Variants in TPMT observed in about 807,000 individuals in gnomAD.
The protein encoded by TPMT is thiopurine S-methyltransferase, also known as S-adenosyl-L-methionine:thiopurine S-methyltransferase.
A neutral mutation model predicts 34.2 loss-of-function variants in TPMT; 18 were observed. The observed-to-expected ratio is 0.53, with a 90% CI of 0.36 to 0.78. The LOEUF (loss-of-function observed/expected upper bound fraction) is 0.78. TPMT is among the 30% of genes least tolerant of loss of function. The pLI is 0.00. For synonymous variants in TPMT, 69 were observed against 92.4 expected (o/e 0.75, Z 1.45); for missense variants, 265 against 288.1 (o/e 0.92, Z 0.58).
chr6:18,133,998 G>A lies in TPMT; in HGVS notation c.495-109C>T, dbSNP rs1032574017. ...AAGTTACTTTCGCTGATACTACTGA[G>A]TTTAAATTCTCCTAATAATCACAAG... On this transcript the variant is annotated intron_variant, in intron 6 of 8. Coordinates refer to ENST00000309983, the MANE Select transcript of TPMT (RefSeq NM_000367.5). 1.2e-5 allele frequency: 10 copies of A among 809,138 alleles called. No individual in the cohort carries two copies. The East Asian group carries it at 2.6e-4, about 21-fold the overall frequency. 50.1% of individuals were successfully genotyped at this position (809,138 alleles called of 1,614,324 possible).
rs1784048152 is a variant in TPMT, at chr6:18,136,766, T to C, written c.494+2197A>G. ...CAGAGGTTGCGGTGAGCCGAGATAG[T>C]GCCATTGCACTCCAGCCTGGGCAAC... On this transcript the variant is annotated intron_variant, in intron 6 of 8. Coordinates refer to ENST00000309983, the MANE Select transcript of TPMT (RefSeq NM_000367.5). The surrounding 1 kb of genome is among the most constrained non-coding windows in gnomAD (Gnocchi z 4.7). Among the ~76,000 whole-genome samples the C allele has an allele frequency of 1.3e-5, 2 of 152,178 alleles. No individual in the cohort carries two copies. The highest frequency in any genetic ancestry group is 1.3e-4 in the Admixed American group (2 of 15,274).
rs529005852 is a variant in TPMT at position 18,144,567 on chromosome 6, C to G, written c.234-839G>C. Among the ~76,000 whole-genome samples, 423 of 151,634 alleles carry G rather than the reference C, an allele frequency of 2.8e-3. 4 individuals carry two copies. The highest frequency in any genetic ancestry group is 0.019 in the South Asian group (90 of 4,798). ...CTAATTTTTGTATTTTTAGTAGAGA[C>G]GGGGTTTCACCATGTTGGCCAGGCT... On this transcript the variant is annotated intron_variant, in intron 3 of 8. Coordinates refer to ENST00000309983, the MANE Select transcript of TPMT (RefSeq NM_000367.5).
At chr6:18,151,881 G>A (rs1398683797) in intron 1 of TPMT, among the ~76,000 whole-genome samples, 3 of 152,152 alleles carry the variant, frequency 2.0e-5, no homozygotes, top group Non-Finnish European at 2.9e-5. Flanking sequence ...AGAAGTGGGC[G>A]AGGGTCCCAG....
In TPMT at chr6:18,139,740, A is replaced by C. The variant is rs199716509; in HGVS notation, c.367-23T>G. ...ACTCTGTAATGAAATAATGAAAAAA[A>C]AATTTTTTTTTTTTACTTAGTAAGT... is the stretch of plus-strand genomic sequence containing the variant. On this transcript the variant is annotated intron_variant, in intron 4 of 8. Transcript: ENST00000309983. This position sits in a 1 kb window ranked among gnomAD's most constrained non-coding sequence, Gnocchi z 4.2. 5.1e-4 allele frequency: 810 copies of C among 1,598,082 alleles called. 1 individual carries two copies. In the African/African-American group the frequency reaches 9.9e-3, roughly 19 times the overall value.
rs1375726462 is a variant in TPMT, at chr6:18,132,526, G to A, written c.581-349C>T. On this transcript the variant is annotated intron_variant, in intron 7 of 8. Coordinates refer to ENST00000309983, the MANE Select transcript of TPMT (RefSeq NM_000367.5). This position sits in a 1 kb window ranked among gnomAD's most constrained non-coding sequence, Gnocchi z 4.8. ...CACCCACATTTTATACACCCCTCCC[G>A]CTCTGCTGCAGGATATAGAGTATAA... Among the ~76,000 whole-genome samples, 8 of 151,800 alleles carry A rather than the reference G, an allele frequency of 5.3e-5. No individual in the cohort carries two copies. The highest frequency in any genetic ancestry group is 3.9e-4 in the Admixed American group (6 of 15,228).
chr6:18,147,929 A>T lies in TPMT; in HGVS notation c.141-14T>A, dbSNP rs1784278376. 1 of 1,608,856 alleles carries T rather than the reference A, an allele frequency of 6.2e-7. No individual in the cohort carries two copies. Among genetic ancestry groups the T allele is most frequent in the Non-Finnish European group, 8.5e-7 (1 of 1,175,998 alleles). On this transcript the variant is annotated splice_polypyrimidine_tract_variant and intron_variant, in intron 2 of 8. Transcript: ENST00000309983. ...TTCTTTAATAGCCTGAAGAGGAAAA[A>T]AAAAAAGGTTTTAGGACAATTGTAT...
At position 18,147,909 on chromosome 6, in the gene TPMT, T is replaced by C; in HGVS notation, c.147A>G (p.Leu49=). The stretch of plus-strand genomic sequence containing the variant: ...TAAGGAAAGTATCTAAATGCTTCTT[T>C]AATAGCCTGAAGAGGAAAAAAAAAA... ...AFHQEQGHQL[L]KKHLDTFLKG... is the part of the protein sequence containing the mutation. The change falls in exon 3 of 9, where the codon TTA becomes TTG. Residue 49 remains leucine (L), a synonymous_variant. Transcript: ENST00000309983. The C allele has an allele frequency of 3.1e-6, 5 of 1,613,412 alleles. No homozygotes were observed. Among genetic ancestry groups the C allele is most frequent in the Non-Finnish European group, 4.2e-6 (5 of 1,179,544 alleles).
At chr6:18,147,582 C>G (rs1460705232) in intron 3 of TPMT, among the ~76,000 whole-genome samples, 1 of 152,150 alleles carries the variant, frequency 6.6e-6, no homozygotes, top group African/African-American at 2.4e-5. Context: ...TTTTCTCCCC[C>G]CATTGGCTCC....
rs1784117753 is a variant in TPMT at position 18,140,371 on chromosome 6, T to A, written c.367-654A>T. Among the ~76,000 whole-genome samples, 1 of 152,182 alleles carries A rather than the reference T, an allele frequency of 6.6e-6. No individual in the cohort carries two copies. Among genetic ancestry groups the A allele is most frequent in the South Asian group, 2.1e-4 (1 of 4,828 alleles). On this transcript the variant is annotated intron_variant, in intron 4 of 8. Transcript: ENST00000309983. The surrounding 1 kb of genome is among the most constrained non-coding windows in gnomAD (Gnocchi z 4.7). ...ACAGAAGGCAGAGCAGGGGCCTGCC[T>A]GGGAGCATCAGGGAGACTAAACAAA...
In TPMT at chr6:18,130,899, G is replaced by A; in HGVS notation, c.626-119C>T. On this transcript the variant is annotated intron_variant, in intron 8 of 8. Transcript: ENST00000309983. The surrounding 1 kb of genome is among the most constrained non-coding windows in gnomAD (Gnocchi z 4.2). ...CACACCTGTAATCCCAACACTTTGG[G>A]AGGCCGAGGCAGGTGGATCACTTGA... The A allele has an allele frequency of 1.4e-6, 1 of 739,150 alleles. No individual in the cohort carries two copies. The highest frequency in any genetic ancestry group is 2.4e-6 in the Non-Finnish European group (1 of 424,470). 45.8% of individuals were successfully genotyped at this position (739,150 alleles called of 1,614,324 possible).
At position 18,139,592 on chromosome 6, in the gene TPMT, C is replaced by A; in HGVS notation, c.419+73G>T. 8.3e-7 allele frequency: 1 copy of A among 1,209,012 alleles called. No homozygotes were observed. 74.9% of individuals were successfully genotyped at this position (1,209,012 alleles called of 1,614,324 possible). On this transcript the variant is annotated intron_variant, in intron 5 of 8. Coordinates refer to ENST00000309983, the MANE Select transcript of TPMT (RefSeq NM_000367.5). The surrounding 1 kb of genome is among the most constrained non-coding windows in gnomAD (Gnocchi z 4.2). ...CAGGAGGAAGAGAGTGAGGAAGACA[C>A]CTCCACTCCCATGCCTGCACTGCCT...
chr6:18,129,684 T>G lies in TPMT; in HGVS notation c.*984A>C, dbSNP rs1255002913. On this transcript the variant is annotated 3_prime_UTR_variant, in exon 9 of 9. Transcript: ENST00000309983. Reference sequence around the variant, plus strand: ...ACCTGATGATTTAAACAGATTAAATTATAAAAAACAACAATTGCCAAACTC... The same window carrying G: ...ACCTGATGATTTAAACAGATTAAATGATAAAAAACAACAATTGCCAAACTC... 1 of 152,220 alleles carries G rather than the reference T, an allele frequency of 6.6e-6. No individual in the cohort carries two copies. Among genetic ancestry groups the G allele is most frequent in the East Asian group, 1.9e-4 (1 of 5,202 alleles). The allele number at this position is 152,220 out of a possible 1,614,324, so 9.4% of individuals were successfully genotyped here.
At position 18,129,621 on chromosome 6, in the gene TPMT, G is replaced by A. The variant is rs1416190733; in HGVS notation, c.*1047C>T. ...GAAATCTAACCTTTCATAATAAACAGCCATGAATCCAGCTCTAAGTACATT... is the reference window on the plus strand; with the variant it reads ...GAAATCTAACCTTTCATAATAAACAACCATGAATCCAGCTCTAAGTACATT... On this transcript the variant is annotated 3_prime_UTR_variant, in exon 9 of 9. Transcript: ENST00000309983. 6.6e-6 allele frequency: 1 copy of A among 152,112 alleles called. No homozygotes were observed. The highest frequency in any genetic ancestry group is 1.5e-5 in the Non-Finnish European group (1 of 68,040). The allele number at this position is 152,112 out of a possible 1,614,324, so 9.4% of individuals were successfully genotyped here.
At chr6:18,151,204 T>TATCA (rs1455905359) in intron 1 of TPMT, among the ~76,000 whole-genome samples, 5 of 146,718 alleles carry the variant, frequency 3.4e-5, no homozygotes, top group African/African-American at 1.3e-4. Flanking sequence ...TTTTTTTTGC[T>TATCA]ATCAATCACC....
chr6:18,133,685 T>C, intron 7 of TPMT, 119 bp downstream of exon 7: 1 of 740,484 alleles, frequency 1.4e-6, no homozygotes. Context: ...TCCATGTATA[T>C]ATGCAGTATG....
chr6:18,150,858 C>T lies in TPMT; in HGVS notation c.-44-1687G>A, dbSNP rs551192109. Among the ~76,000 whole-genome samples the T allele has an allele frequency of 2.0e-5, 3 of 152,236 alleles. No individual in the cohort carries two copies. Among genetic ancestry groups the T allele is most frequent in the African/African-American group, 7.2e-5 (3 of 41,550 alleles). ...CCTCCTGAGTAGCTGGGATTACAGGCATGCACTACCAGGTCCAGCTAATTT... is the reference window on the plus strand; with the variant it reads ...CCTCCTGAGTAGCTGGGATTACAGGTATGCACTACCAGGTCCAGCTAATTT... On this transcript the variant is annotated intron_variant, in intron 1 of 8. Coordinates refer to ENST00000309983, the MANE Select transcript of TPMT (RefSeq NM_000367.5). This position sits in a 1 kb window ranked among gnomAD's most constrained non-coding sequence, Gnocchi z 5.3.
rs1784081411 is a variant in TPMT at position 18,138,272 on chromosome 6, T to G, written c.494+691A>C. On this transcript the variant is annotated intron_variant, in intron 6 of 8. Transcript: ENST00000309983. This position sits in a 1 kb window ranked among gnomAD's most constrained non-coding sequence, Gnocchi z 4.1. ...AATATTTTGATTTTTTTGTTTTTTT[T>G]TTTTTTTAAATATTTTACAGACAAG... Among the ~76,000 whole-genome samples the G allele has an allele frequency of 6.6e-6, 1 of 151,226 alleles. No individual in the cohort carries two copies. Among genetic ancestry groups the G allele is most frequent in the African/African-American group, 2.4e-5 (1 of 41,048 alleles).
rs1217372716 is a variant in TPMT at position 18,145,549 on chromosome 6, T to C, written c.234-1821A>G. Among the ~76,000 whole-genome samples, 2 of 152,234 alleles carry C rather than the reference T, an allele frequency of 1.3e-5. No homozygotes were observed. Among genetic ancestry groups the C allele is most frequent in the Non-Finnish European group, 2.9e-5 (2 of 68,034 alleles). On this transcript the variant is annotated intron_variant, in intron 3 of 8. Coordinates refer to ENST00000309983, the MANE Select transcript of TPMT (RefSeq NM_000367.5). The surrounding 1 kb of genome is among the most constrained non-coding windows in gnomAD (Gnocchi z 5.6). ...TTAGAATTCAGTTTTGAAACAAGTA[T>C]AGCAGGACTGACTGTACCTTTTATC...
rs1220224282 is a variant in TPMT, at chr6:18,149,584, A to G, written c.-44-413T>C. On this transcript the variant is annotated intron_variant, in intron 1 of 8. Transcript: ENST00000309983. The surrounding 1 kb of genome is among the most constrained non-coding windows in gnomAD (Gnocchi z 5.0). ...GCGATCCTCCCATTTCAGCCTCCCA[A>G]GTAGCTGGGACTTCAGGTACACACC... Among the ~76,000 whole-genome samples the G allele has an allele frequency of 1.3e-5, 2 of 151,990 alleles. No individual in the cohort carries two copies. Among genetic ancestry groups the G allele is most frequent in the Non-Finnish European group, 1.5e-5 (1 of 67,998 alleles).
Sources: allele counts gnomAD v4.1 joint callset (sites outside exome capture counted in the v4.1 genomes callset), GRCh38; gene constraint gnomAD v4.1.1; non-coding constraint Gnocchi (gnomAD v3.1); transcripts MANE v1.5; gene names NCBI Gene and HGNC (gene_info 2026-07-23, HGNC 2026-07-21).